The following ZNF830 variants were observed in gnomAD, a reference collection of about 807,000 sequenced individuals.
ZNF830 encodes coiled-coil domain containing 16.
In ZNF830, 15 loss-of-function variants were observed where a neutral mutation model predicts 28.1. That is an observed-to-expected ratio of 0.53 (90% confidence interval 0.36 to 0.82). ZNF830 has a LOEUF of 0.82. Ranked by LOEUF, ZNF830 falls within the 40% of genes least tolerant of loss-of-function variation. The pLI is 0.01. For missense variants in ZNF830, 456 were observed against 467.7 expected (o/e 0.97, Z 0.23); for synonymous variants, 208 against 185.3 (o/e 1.12, Z -0.99).
Position 34,962,764 on chromosome 17 carries a change from T to A in ZNF830, c.*79T>A. 6.7e-7 allele frequency: 1 copy of A among 1,491,646 alleles called. No individual in the cohort carries two copies. The highest frequency in any genetic ancestry group is 8.9e-7 in the Non-Finnish European group (1 of 1,124,642). The allele number at this position is 1,491,646 out of a possible 1,614,324, so 92.4% of individuals were successfully genotyped here. A position where few individuals can be genotyped will look rare whatever the true frequency, so the allele number is the denominator to read the frequency against. On this transcript the variant is annotated 3_prime_UTR_variant, in exon 1 of 1. Transcript: ENST00000361952. ...GTCTCTCAGTAGTATAGCGGTTACT[T>A]CATGCCTCAAGATTTGGGTACCTGG... is the stretch of plus-strand genomic sequence containing the variant.
At position 34,962,567 on chromosome 17, in the gene ZNF830, A is replaced by T; in HGVS notation, c.1001A>T (p.Glu334Val). 6.2e-7 allele frequency: 1 copy of T among 1,614,118 alleles called. No individual in the cohort carries two copies. Among genetic ancestry groups the T allele is most frequent in the Non-Finnish European group, 8.5e-7 (1 of 1,180,026 alleles). Residue 334 changes from glutamate to valine, a missense_variant, in exon 1 of 1, where the codon GAA becomes GTA. Transcript: ENST00000361952. ...GATGAAATAAAAAATAAACTTAAAGAAATCCTGACCATAAAAGAACTGCAG... is the reference window on the plus strand; with the variant it reads ...GATGAAATAAAAAATAAACTTAAAGTAATCCTGACCATAAAAGAACTGCAG... ...RQDEIKNKLK[E>V]ILTIKELQKK...
Position 34,962,641 on chromosome 17 carries a change from G to T in ZNF830, c.1075G>T (p.Asp359Tyr), listed in dbSNP as rs748100839. 107 of 1,610,700 alleles carry T rather than the reference G, an allele frequency of 6.6e-5. No individual in the cohort carries two copies. Among genetic ancestry groups the T allele is most frequent in the Admixed American group, 4.4e-4 (26 of 59,160 alleles). The change falls in exon 1 of 1, where the codon GAT (aspartate) becomes TAT (tyrosine). Residue 359 changes from aspartate to tyrosine, a missense_variant. By Grantham distance (160) the Asp-to-Tyr change is radical. Coordinates refer to ENST00000361952, the MANE Select transcript of ZNF830 (RefSeq NM_052857.4). The stretch of plus-strand genomic sequence containing the variant: ...CAGCGATGATGAGGGGGAACTACAG[G>T]ATTTGTTGTCTCAGGATTGGAGGGT... ...ADSDDEGELQ[D>Y]LLSQDWRVKG...
At position 34,962,416 on chromosome 17, in the gene ZNF830, G is replaced by A; in HGVS notation, c.850G>A (p.Val284Ile). Residue 284 changes from valine (V) to isoleucine (I), a missense_variant, in exon 1 of 1, where the codon GTC (valine) becomes ATC (isoleucine). Val to Ile is a conservative substitution (Grantham distance 29, BLOSUM62 3). Transcript: ENST00000361952. ...CGAATTCCAAAAAGCCATGAGGCAG[G>A]TCAACACTATTTCCGAAGCCATAGT... ...WDEFQKAMRQ[V>I]NTISEAIVAE... The A allele has an allele frequency of 1.2e-6, 2 of 1,614,160 alleles. No individual in the cohort carries two copies. The highest frequency in any genetic ancestry group is 1.7e-6 in the Non-Finnish European group (2 of 1,180,042).
At position 34,961,869 on chromosome 17, in the gene ZNF830, CAAGAGGAAAGCGCCGGA is replaced by C; in HGVS notation, c.304_320del (p.Lys102ArgfsTer29). ...CCGCCAGTTCAGCGCCTCATTCCGTCAAGAGGAAAGCGCCGGACGCAGACGACCAAGATGTCAAGAGA... is the reference window on the plus strand; with the variant it reads ...CCGCCAGTTCAGCGCCTCATTCCGTCCGCAGACGACCAAGATGTCAAGAGA... On this transcript the variant is annotated frameshift_variant, in exon 1 of 1. Transcript: ENST00000361952. LOFTEE classifies it high-confidence loss of function. 3 of 1,614,064 alleles carry C rather than the reference CAAGAGGAAAGCGCCGGA, an allele frequency of 1.9e-6. No homozygotes were observed. The highest frequency in any genetic ancestry group is 2.5e-6 in the Non-Finnish European group (3 of 1,180,014).
rs1326693612 is a variant in ZNF830 at position 34,963,488 on chromosome 17, C to A, written c.*803C>A. Reference sequence around the variant, plus strand: ...TTAAATAACACATTCCATAAATTTGCTGTTTCTTGAATGAAGGAAAAAATA... The same window carrying A: ...TTAAATAACACATTCCATAAATTTGATGTTTCTTGAATGAAGGAAAAAATA... On this transcript the variant is annotated 3_prime_UTR_variant, in exon 1 of 1. Coordinates refer to ENST00000361952, the MANE Select transcript of ZNF830 (RefSeq NM_052857.4). 6.6e-6 allele frequency: 1 copy of A among 152,106 alleles called. No homozygotes were observed. The highest frequency in any genetic ancestry group is 6.5e-5 in the Admixed American group (1 of 15,282). 9.4% of individuals were successfully genotyped at this position (152,106 alleles called of 1,614,324 possible).
chr17:34,961,849 A>G lies in ZNF830; in HGVS notation c.283A>G (p.Ser95Gly). 8 of 1,614,056 alleles carry G rather than the reference A, an allele frequency of 5.0e-6. No homozygotes were observed. In the South Asian group the frequency reaches 7.7e-5, roughly 16 times the overall value. The change falls in exon 1 of 1, where the codon AGT (serine) becomes GGT (glycine). Residue 95 changes from serine to glycine, a missense_variant. Physicochemically the swap from Ser to Gly is moderately conservative, Grantham distance 56 (BLOSUM62 0). Around this residue, in one of 2 missense-constraint regions of ZNF830, gnomAD observed 331 missense variants for 290.1 expected, o/e 1.14. Coordinates refer to ENST00000361952, the MANE Select transcript of ZNF830 (RefSeq NM_052857.4). ...AKEASQGSSA[S>G]SAPHSVKRKA... ...GGAAGCCAGCCAGGGTTCGTCCGCC[A>G]GTTCAGCGCCTCATTCCGTCAAGAG... is the stretch of plus-strand genomic sequence containing the variant.
In ZNF830 at chr17:34,963,758, A is replaced by G; in HGVS notation, c.*1073A>G. The G allele has an allele frequency of 6.6e-6, 1 of 152,224 alleles. No individual in the cohort carries two copies. Among genetic ancestry groups the G allele is most frequent in the East Asian group, 1.9e-4 (1 of 5,200 alleles). 9.4% of individuals were successfully genotyped at this position (152,224 alleles called of 1,614,324 possible). ...AATGCATACAGCATATTCAAATAAAAGTGAGCAATAATAATAATAGCTAAG... is the reference window on the plus strand; with the variant it reads ...AATGCATACAGCATATTCAAATAAAGGTGAGCAATAATAATAATAGCTAAG... On this transcript the variant is annotated 3_prime_UTR_variant, in exon 1 of 1. Transcript: ENST00000361952.
chr17:34,961,866 C>A lies in ZNF830; in HGVS notation c.300C>A (p.Ser100=), dbSNP rs550736756. Residue 100 remains serine, a synonymous_variant, in exon 1 of 1, where the codon TCC becomes TCA. Coordinates refer to ENST00000361952, the MANE Select transcript of ZNF830 (RefSeq NM_052857.4). ...CGTCCGCCAGTTCAGCGCCTCATTC[C>A]GTCAAGAGGAAAGCGCCGGACGCAG... is the stretch of plus-strand genomic sequence containing the variant. The part of the protein sequence containing the change: ...QGSSASSAPH[S]VKRKAPDADD... 2.5e-6 allele frequency: 4 copies of A among 1,614,048 alleles called. No individual in the cohort carries two copies. Among genetic ancestry groups the A allele is most frequent in the Non-Finnish European group, 3.4e-6 (4 of 1,179,990 alleles).
In ZNF830 at chr17:34,962,043, TG is replaced by T; in HGVS notation, c.478del (p.Glu160LysfsTer41). 1 of 1,613,750 alleles carries T rather than the reference TG, an allele frequency of 6.2e-7. No individual in the cohort carries two copies. Among genetic ancestry groups the T allele is most frequent in the African/African-American group, 1.3e-5 (1 of 74,864 alleles). On this transcript the variant is annotated frameshift_variant, in exon 1 of 1. Coordinates refer to ENST00000361952, the MANE Select transcript of ZNF830 (RefSeq NM_052857.4). LOFTEE classifies it high-confidence loss of function. ...PSGLSLLPDY[E>X]DEEEEEEEEE... The stretch of plus-strand genomic sequence containing the variant: ...CAGGACTCAGTTTACTCCCCGATTA[TG>T]AAGATGAGGAGGAGGAGGAAGAGGA...
chr17:34,961,727 C>T lies in ZNF830; in HGVS notation c.161C>T (p.Ala54Val). The change falls in exon 1 of 1, where the codon GCC becomes GTC. Residue 54 changes from alanine (A) to valine (V), a missense_variant. By Grantham distance (64) the Ala-to-Val change is moderately conservative. Around this residue, in one of 2 missense-constraint regions of ZNF830, gnomAD observed 331 missense variants for 290.1 expected, o/e 1.14. Coordinates refer to ENST00000361952, the MANE Select transcript of ZNF830 (RefSeq NM_052857.4). Reference protein sequence around the residue: ...KYNRLGQLSCALCNTPVKSEL... With the variant: ...KYNRLGQLSCVLCNTPVKSEL... Reference sequence around the variant, plus strand: ...AACCGTTTGGGGCAGCTGAGTTGTGCCCTGTGTAACACTCCGGTTAAGAGC... The same window carrying T: ...AACCGTTTGGGGCAGCTGAGTTGTGTCCTGTGTAACACTCCGGTTAAGAGC... The T allele has an allele frequency of 6.2e-7, 1 of 1,614,114 alleles. No individual in the cohort carries two copies. The highest frequency in any genetic ancestry group is 8.5e-7 in the Non-Finnish European group (1 of 1,180,028).
chr17:34,962,876 T>C lies in ZNF830; in HGVS notation c.*191T>C. On this transcript the variant is annotated 3_prime_UTR_variant, in exon 1 of 1. Coordinates refer to ENST00000361952, the MANE Select transcript of ZNF830 (RefSeq NM_052857.4). ...GTGTAACATGTTTTTGAGGTAAAGT[T>C]GTTTTTGAAATTTCTGAAGTGTTAT... 1 of 1,066,372 alleles carries C rather than the reference T, an allele frequency of 9.4e-7. No individual in the cohort carries two copies. Among genetic ancestry groups the C allele is most frequent in the Admixed American group, 3.7e-5 (1 of 27,000 alleles). The allele number at this position is 1,066,372 out of a possible 1,614,324, so 66.1% of individuals were successfully genotyped here. A position where few individuals can be genotyped will look rare whatever the true frequency, so the allele number is the denominator to read the frequency against.
In ZNF830 at chr17:34,962,234, C is replaced by T. The variant is rs756677290; in HGVS notation, c.668C>T (p.Ser223Leu). The change falls in exon 1 of 1, where the codon TCA (serine) becomes TTA (leucine). Residue 223 changes from serine (S) to leucine (L), a missense_variant. By Grantham distance (145) the Ser-to-Leu change is moderately radical (BLOSUM62 -2). Transcript: ENST00000361952. ...CCCAAGGCCCCCATAATTCCTCATT[C>T]AGGGTCAATTGAGAAAGCAGAAATA... ...NPPKAPIIPH[S>L]GSIEKAEIHE... 1 of 1,613,902 alleles carries T rather than the reference C, an allele frequency of 6.2e-7. No individual in the cohort carries two copies. Among genetic ancestry groups the T allele is most frequent in the South Asian group, 1.1e-5 (1 of 91,084 alleles).
rs2090429303 is a variant in ZNF830 at position 34,962,206 on chromosome 17, C to T, written c.640C>T (p.Pro214Ser). ...GCCAAACGATTTCTTTAGTACTAAT[C>T]CTCCCAAGGCCCCCATAATTCCTCA... ...VLPNDFFSTNPPKAPIIPHSG... is the reference protein window; with the variant it reads ...VLPNDFFSTNSPKAPIIPHSG... The change falls in exon 1 of 1, where the codon CCT (proline) becomes TCT (serine). Residue 214 changes from proline to serine, a missense_variant. By Grantham distance (74) the Pro-to-Ser change is moderately conservative. Coordinates refer to ENST00000361952, the MANE Select transcript of ZNF830 (RefSeq NM_052857.4). 1.2e-6 allele frequency: 2 copies of T among 1,613,986 alleles called. No homozygotes were observed. Among genetic ancestry groups the T allele is most frequent in the Non-Finnish European group, 1.7e-6 (2 of 1,180,032 alleles).
chr17:34,961,999 G>A lies in ZNF830; in HGVS notation c.433G>A (p.Ala145Thr). The change falls in exon 1 of 1, where the codon GCG (alanine) becomes ACG (threonine). Residue 145 changes from alanine (A) to threonine (T), a missense_variant. Ala to Thr is a moderately conservative substitution (Grantham distance 58, BLOSUM62 0). Around this residue, in one of 2 missense-constraint regions of ZNF830, gnomAD observed 331 missense variants for 290.1 expected, o/e 1.14. Transcript: ENST00000361952. ...FDKIGKEFIR[A>T]TPSKPSGLSL... ...CAAAATAGGAAAGGAGTTCATTAGAGCGACTCCCAGTAAGCCTTCAGGACT... is the reference window on the plus strand; with the variant it reads ...CAAAATAGGAAAGGAGTTCATTAGAACGACTCCCAGTAAGCCTTCAGGACT... The A allele has an allele frequency of 1.2e-6, 2 of 1,614,138 alleles. No individual in the cohort carries two copies. The highest frequency in any genetic ancestry group is 2.2e-5 in the South Asian group (2 of 91,074).
chr17:34,961,931 C>T lies in ZNF830; in HGVS notation c.365C>T (p.Pro122Leu), dbSNP rs1343185115. The T allele has an allele frequency of 6.2e-7, 1 of 1,614,184 alleles. No individual in the cohort carries two copies. The highest frequency in any genetic ancestry group is 2.2e-5 in the East Asian group (1 of 44,880). ...DVKRAKATLV[P>L]QVQPSTSAWT... ...AAGAGAGCGAAGGCCACCTTGGTGC[C>T]TCAGGTACAGCCCTCCACATCTGCG... The change falls in exon 1 of 1, where the codon CCT (proline) becomes CTT (leucine). Residue 122 changes from proline to leucine, a missense_variant. Physicochemically the swap from Pro to Leu is moderately conservative, Grantham distance 98. Transcript: ENST00000361952.
In ZNF830 at chr17:34,962,377, G is replaced by A. The variant is rs200865532; in HGVS notation, c.811G>A (p.Asp271Asn). ...RKVDAPKDQM[D>N]KEWDEFQKAM... ...GGTTGATGCTCCAAAAGATCAGATG[G>A]ACAAAGAGTGGGACGAATTCCAAAA... The change falls in exon 1 of 1, where the codon GAC becomes AAC. Residue 271 changes from aspartate to asparagine, a missense_variant. Physicochemically the swap from Asp to Asn is conservative, Grantham distance 23 (BLOSUM62 1). Transcript: ENST00000361952. The A allele has an allele frequency of 1.8e-5, 29 of 1,614,156 alleles. No homozygotes were observed. Among genetic ancestry groups the A allele is most frequent in the Non-Finnish European group, 2.3e-5 (27 of 1,180,044 alleles).
Position 34,962,159 on chromosome 17 carries a change from G to A in ZNF830, c.593G>A (p.Arg198Gln). The A allele has an allele frequency of 6.2e-7, 1 of 1,614,138 alleles. No homozygotes were observed. The highest frequency in any genetic ancestry group is 8.5e-7 in the Non-Finnish European group (1 of 1,180,038). ...QGKEHSVSSS[R>Q]EVTSSVLPND... is the part of the protein sequence containing the mutation. The stretch of plus-strand genomic sequence containing the variant: ...AAGGAGCACTCAGTTTCCTCTTCAC[G>A]GGAGGTAACAAGTAGTGTGCTGCCA... Residue 198 changes from arginine to glutamine, a missense_variant, in exon 1 of 1, where the codon CGG becomes CAG. Arg to Gln is a conservative substitution (Grantham distance 43). Around this residue, in one of 2 missense-constraint regions of ZNF830, gnomAD observed 331 missense variants for 290.1 expected, o/e 1.14. Transcript: ENST00000361952.
At position 34,962,001 on chromosome 17, in the gene ZNF830, G is replaced by A; in HGVS notation, c.435G>A (p.Ala145=). The A allele has an allele frequency of 6.2e-7, 1 of 1,614,130 alleles. No homozygotes were observed. ...AAATAGGAAAGGAGTTCATTAGAGC[G>A]ACTCCCAGTAAGCCTTCAGGACTCA... ...FDKIGKEFIR[A]TPSKPSGLSL... is the part of the protein sequence containing the mutation. Residue 145 remains alanine (A), a synonymous_variant, in exon 1 of 1, where the codon GCG becomes GCA. Coordinates refer to ENST00000361952, the MANE Select transcript of ZNF830 (RefSeq NM_052857.4).
Position 34,961,594 on chromosome 17 carries a change from C to G in ZNF830, c.28C>G (p.Pro10Ala), listed in dbSNP as rs140379042. 3 of 1,614,016 alleles carry G rather than the reference C, an allele frequency of 1.9e-6. No individual in the cohort carries two copies. Among genetic ancestry groups the G allele is most frequent in the Non-Finnish European group, 1.7e-6 (2 of 1,179,946 alleles). MASSASARTPAGKRVINQEE... is the reference protein window; with the variant it reads MASSASARTAAGKRVINQEE... ...GGCGTCCTCCGCCTCCGCCCGGACT[C>G]CGGCAGGGAAGCGAGTGATAAATCA... The change falls in exon 1 of 1, where the codon CCG becomes GCG. Residue 10 changes from proline (P) to alanine (A), a missense_variant. Transcript: ENST00000361952.
Sources: gnomAD v4.1 joint callset for allele counts on GRCh38, gnomAD v4.1.1 for gene constraint, gnomAD v4.1.1 regional missense constraint, MANE v1.5 for transcripts, NCBI Gene and HGNC (gene_info 2026-07-23, HGNC 2026-07-21) for gene names.